The following B4GALNT2 variants were observed in gnomAD, a reference collection of about 807,000 sequenced individuals.
The protein encoded by B4GALNT2 is beta-1,4-N-acetyl-galactosaminyltransferase 2 (SID blood group).
In B4GALNT2, 42 loss-of-function variants were observed where a neutral mutation model predicts 51.1. That is an observed-to-expected ratio of 0.82 (90% CI 0.64 to 1.06). B4GALNT2 has a LOEUF of 1.06. B4GALNT2 is among the 50% of genes least tolerant of loss of function. B4GALNT2 has a pLI of 0.00. For missense variants in B4GALNT2, 602 were observed against 633.6 expected, an observed-to-expected ratio of 0.95 and a Z score of 0.54; for synonymous variants, 253 against 251.7, an observed-to-expected ratio of 1.01 and a Z score of -0.05.
the B4GALNT2 span, among the ~76,000 whole-genome samples, chr17:49,121,327 C>G: frequency 6.6e-6 from 1 of 152,200 alleles, no homozygotes; most frequent in Non-Finnish European, 1.5e-5. Flanking sequence ...TTCTTCTTAC[C>G]TGAGCACTCC....
At chr17:49,165,477 TTCTTCCCACCCTCCC>T (rs2042903448) in intron 8 of B4GALNT2, among the ~76,000 whole-genome samples, 2 of 100,508 alleles carry the variant, frequency 2.0e-5, no homozygotes, top group South Asian at 9.7e-4. Context: ...TCTCCCTCTC[TTCTTCCCACCCTCCC>T]TCTTCCCCCC....
In B4GALNT2 at chr17:49,170,788, C is replaced by G. The variant is rs2042952880; in HGVS notation, c.*1060C>G. Reference sequence around the variant, plus strand: ...TGAGAGCCCTGAACGGAGTTTGACCCACATATTTATTGACAGCAAGCCAGT... The same window carrying G: ...TGAGAGCCCTGAACGGAGTTTGACCGACATATTTATTGACAGCAAGCCAGT... On this transcript the variant is annotated 3_prime_UTR_variant, in exon 11 of 11. Transcript: ENST00000393354. The G allele has an allele frequency of 1.3e-5, 2 of 152,202 alleles. No homozygotes were observed. Among genetic ancestry groups the G allele is most frequent in the African/African-American group, 4.8e-5 (2 of 41,428 alleles). 9.4% of individuals were successfully genotyped at this position (152,202 alleles called of 1,614,324 possible). A position where few individuals can be genotyped will look rare whatever the true frequency, so the allele number is the denominator to read the frequency against.
At chr17:49,159,869 G>A (rs957435431) in intron 6 of B4GALNT2, among the ~76,000 whole-genome samples, 2 of 151,936 alleles carry the variant, frequency 1.3e-5, no homozygotes, top group African/African-American at 4.8e-5. Flanking sequence ...GTAGAGGAGG[G>A]AGCCAGCCTG....
At chr17:49,153,540 T>A (rs2042779820) in intron 4 of B4GALNT2, among the ~76,000 whole-genome samples, 1 of 151,562 alleles carries the variant, frequency 6.6e-6, no homozygotes, top group South Asian at 2.1e-4. Flanking sequence ...GGAGTCTTGC[T>A]CCATCTCTCA....
chr17:49,157,218 T>G (rs985032358), intron 5 of B4GALNT2, among the ~76,000 whole-genome samples: 3 of 152,168 alleles, frequency 2.0e-5, no homozygotes, highest in Non-Finnish European at 4.4e-5. Context: ...TGGAGTGCAG[T>G]GCCGCAATCA....
intron 3 of B4GALNT2, 139 bp downstream of exon 3, chr17:49,142,311 T>A (rs1468847430): frequency 1.8e-6 from 2 of 1,110,068 alleles, no homozygotes; most frequent in South Asian, 1.7e-5. Context: ...CTATTAGGAA[T>A]GAAACAAAGA....
the B4GALNT2 span, among the ~76,000 whole-genome samples, chr17:49,120,537 G>A: frequency 6.6e-6 from 1 of 150,592 alleles, no homozygotes; most frequent in Non-Finnish European, 1.5e-5. Flanking sequence ...AAACAGTCTT[G>A]CCCTATTGCC....
rs1179307047 is a variant in B4GALNT2 at position 49,174,203 on chromosome 17, G to A, written c.*4475G>A. 1 of 152,172 alleles carries A rather than the reference G, an allele frequency of 6.6e-6. No homozygotes were observed. Among genetic ancestry groups the A allele is most frequent in the Non-Finnish European group, 1.5e-5 (1 of 68,028 alleles). The allele number at this position is 152,172 out of a possible 1,614,324, so 9.4% of individuals were successfully genotyped here. A position where few individuals can be genotyped will look rare whatever the true frequency, so the allele number is the denominator to read the frequency against. On this transcript the variant is annotated 3_prime_UTR_variant, in exon 11 of 11. Coordinates refer to ENST00000393354, the MANE Select transcript of B4GALNT2 (RefSeq NM_001159387.2). ...TTTTGCAAGTGATCATAACATTGGAGTAATATTTCTCGAGTGGGGGGCAGC... is the reference window on the plus strand; with the variant it reads ...TTTTGCAAGTGATCATAACATTGGAATAATATTTCTCGAGTGGGGGGCAGC...
chr17:49,155,872 G>C (rs554361053), intron 4 of B4GALNT2, among the ~76,000 whole-genome samples: 1 of 151,482 alleles, frequency 6.6e-6, no homozygotes. Context: ...ACAGGCACCC[G>C]CCACCATGCC....
intron 8 of B4GALNT2, 152 bp from the exon 9 acceptor site, chr17:49,165,962 A>G: frequency 1.1e-6 from 1 of 870,882 alleles, no homozygotes; most frequent in East Asian, 2.7e-5. Context: ...TGTGGTTCAC[A>G]GCCTTGGCTG....
Position 49,152,833 on chromosome 17 carries a change from C to A in B4GALNT2, c.387C>A (p.Val129=). 1 of 1,609,840 alleles carries A rather than the reference C, an allele frequency of 6.2e-7. No individual in the cohort carries two copies. The highest frequency in any genetic ancestry group is 8.5e-7 in the Non-Finnish European group (1 of 1,177,942). Residue 129 remains valine, a synonymous_variant, in exon 4 of 11, where the codon GTC becomes GTA. Coordinates refer to ENST00000393354, the MANE Select transcript of B4GALNT2 (RefSeq NM_001159387.2). Reference sequence around the variant, plus strand: ...TGCCCCGCCCACTGCCCCTGCTGGTCCAGCCCAACCTCCCCTTTGGGTACC... The same window carrying A: ...TGCCCCGCCCACTGCCCCTGCTGGTACAGCCCAACCTCCCCTTTGGGTACC... ...EGLPRPLPLL[V]QPNLPFGYPV...
chr17:49,122,040 G>A, the B4GALNT2 span, among the ~76,000 whole-genome samples: 5 of 152,134 alleles, frequency 3.3e-5, no homozygotes, highest in Non-Finnish European at 7.3e-5. Flanking sequence ...GGCTTGGAAT[G>A]TTTCTGTGTG....
the B4GALNT2 span, among the ~76,000 whole-genome samples, chr17:49,126,942 GAACCACCCGC>G: frequency 8.1e-4 from 123 of 152,290 alleles, no homozygotes; most frequent in African/African-American, 2.8e-3. Context: ...GACCTCAGGT[GAACCACCCGC>G]CTTGGCCTCC....
At chr17:49,144,735 TAGTC>T (rs1230090756) in intron 3 of B4GALNT2, among the ~76,000 whole-genome samples, 8 of 152,070 alleles carry the variant, frequency 5.3e-5, no homozygotes, top group Non-Finnish European at 1.2e-4. Flanking sequence ...CCCCATGTAT[TAGTC>T]AGGGTTTTCT....
chr17:49,129,052 A>C (rs957136768), upstream of B4GALNT2, among the ~76,000 whole-genome samples: 6 of 152,182 alleles, frequency 3.9e-5, no homozygotes, highest in Admixed American at 1.3e-4. Flanking sequence ...CCCGAGTACC[A>C]TGAGAAAGAA....
intron 1 of B4GALNT2, among the ~76,000 whole-genome samples, chr17:49,133,995 G>A (rs2042566942): frequency 6.6e-6 from 1 of 152,192 alleles, no homozygotes; most frequent in Non-Finnish European, 1.5e-5. Flanking sequence ...CGGAATGGGG[G>A]AAAGGAAGGC....
the B4GALNT2 span, among the ~76,000 whole-genome samples, chr17:49,123,559 A>G: frequency 6.6e-6 from 1 of 152,218 alleles, no homozygotes; most frequent in Non-Finnish European, 1.5e-5. Flanking sequence ...TACTTGGCTT[A>G]ATTATTTGCA....
At chr17:49,129,953 C>T (rs2042528999), upstream of B4GALNT2, among the ~76,000 whole-genome samples, 2 of 152,182 alleles carry the variant, frequency 1.3e-5, no homozygotes, top group Non-Finnish European at 2.9e-5. Context: ...TGGTGATGCT[C>T]CTGTCTGTCA....
At chr17:49,147,105 T>G (rs1000114625) in intron 3 of B4GALNT2, among the ~76,000 whole-genome samples, 2 of 152,172 alleles carry the variant, frequency 1.3e-5, no homozygotes, top group Admixed American at 6.6e-5. Flanking sequence ...GCATGACTGA[T>G]GTGGAAGGAA....
Sources: allele counts gnomAD v4.1 joint callset (sites outside exome capture counted in the v4.1 genomes callset), GRCh38; gene constraint gnomAD v4.1.1; transcripts MANE v1.5; gene names NCBI Gene and HGNC (gene_info 2026-07-23, HGNC 2026-07-21).